The following CCDC112 variants were observed in gnomAD, a reference collection of about 807,000 sequenced individuals.
The protein encoded by CCDC112 is coiled-coil domain containing 112.
CCDC112 carries 40 observed loss-of-function variants against 66.3 expected under a neutral mutation model. That is an observed-to-expected ratio of 0.60 (90% confidence interval 0.47 to 0.79). The LOEUF is 0.79. Ranked by LOEUF, CCDC112 falls within the 30% of genes least tolerant of loss-of-function variation. The pLI is 0.00. For missense variants in CCDC112, 659 were observed against 603.8 expected, an observed-to-expected ratio of 1.09 and a Z score of -0.96; for synonymous variants, 214 against 197.2, an observed-to-expected ratio of 1.09 and a Z score of -0.71.
chr5:115,275,085 G>C (rs1749146774), intron 6 of CCDC112, 131 bp downstream of exon 6: 2 of 716,248 alleles, frequency 2.8e-6, no homozygotes, highest in African/African-American at 1.8e-5. Context: ...TCTTCTATTA[G>C]ATTGTCGGGG....
chr5:115,268,626 T>C (rs1398577192), intron 9 of CCDC112, among the ~76,000 whole-genome samples: 2 of 148,240 alleles, frequency 1.3e-5, no homozygotes, highest in Non-Finnish European at 3.0e-5. Flanking sequence ...GAAAGGCAAA[T>C]ATATATATAT....
rs1445056340 is a variant in CCDC112 at position 115,289,896 on chromosome 5, TG to T, written c.118-4989del. On this transcript the variant is annotated intron_variant, in intron 1 of 9. Transcript: ENST00000379611. ...ATGGGGTTTCGCGATGTTGGCCAGC[TG>T]GTCTCAAACTCCTGGCCTCAAGCGA... Among the ~76,000 whole-genome samples, 9 of 152,314 alleles carry T rather than the reference TG, an allele frequency of 5.9e-5. No individual in the cohort carries two copies. In the East Asian group the frequency reaches 1.7e-3, roughly 29 times the overall value.
chr5:115,279,608 T>A, intron 3 of CCDC112, 39 bp downstream of exon 3: 1 of 1,602,172 alleles, frequency 6.2e-7, no homozygotes, highest in Non-Finnish European at 8.5e-7. Flanking sequence ...CAACTTTATA[T>A]CGCTCAACAG....
intron 1 of CCDC112, 140 bp downstream of exon 1, chr5:115,296,287 C>G (rs1750152768): frequency 4.5e-6 from 6 of 1,328,850 alleles, no homozygotes; most frequent in Non-Finnish European, 5.8e-6. Context: ...CAACAAAGAG[C>G]AACGCCCAGC....
At chr5:115,284,967 AT>A (rs1027492615) in intron 1 of CCDC112, 59 bp from the exon 2 acceptor site, 2 of 1,493,600 alleles carry the variant, frequency 1.3e-6, no homozygotes, top group Non-Finnish European at 1.8e-6. Flanking sequence ...TAAATGTGGA[AT>A]TTTTTCAGAG....
chr5:115,284,713 A>G, intron 2 of CCDC112, 74 bp downstream of exon 2: 1 of 1,190,526 alleles, frequency 8.4e-7, no homozygotes, highest in Non-Finnish European at 1.2e-6. Flanking sequence ...GGTAGGGTAG[A>G]GTAGAATTAA....
chr5:115,281,110 G>A (rs1293196899), intron 2 of CCDC112, among the ~76,000 whole-genome samples: 5 of 150,276 alleles, frequency 3.3e-5, no homozygotes, highest in African/African-American at 7.4e-5. Flanking sequence ...TGTAACCTCC[G>A]CCTCCCTGGT....
In CCDC112 at chr5:115,289,026, G is replaced by T. The variant is rs76097996; in HGVS notation, c.118-4118C>A. ...TTTTTTTAACCAAATTCATTTTATTGCCAGACAGACTTGGCTTCTTTCCCT... is the reference window on the plus strand; with the variant it reads ...TTTTTTTAACCAAATTCATTTTATTTCCAGACAGACTTGGCTTCTTTCCCT... On this transcript the variant is annotated intron_variant, in intron 1 of 9. Transcript: ENST00000379611. 703 of 285,490 alleles carry T rather than the reference G, an allele frequency of 2.5e-3. 5 individuals carry two copies. The highest frequency in any genetic ancestry group is 0.016 in the African/African-American group (677 of 42,192). The allele number at this position is 285,490 out of a possible 1,614,324, so 17.7% of individuals were successfully genotyped here. A position where few individuals can be genotyped will look rare whatever the true frequency, so the allele number is the denominator to read the frequency against.
intron 3 of CCDC112, among the ~76,000 whole-genome samples, chr5:115,278,264 T>C (rs1749293560): frequency 6.6e-6 from 1 of 152,098 alleles, no homozygotes; most frequent in Admixed American, 6.5e-5. Context: ...ATTTATTCAT[T>C]TGGATAGATA....
chr5:115,282,122 G>T (rs187876854), intron 2 of CCDC112, among the ~76,000 whole-genome samples: 2 of 152,158 alleles, frequency 1.3e-5, no homozygotes, highest in African/African-American at 4.8e-5. Context: ...ATATGGGCAG[G>T]TTAAATAAAT....
chr5:115,281,760 A>T (rs1749467241), intron 2 of CCDC112, among the ~76,000 whole-genome samples: 1 of 152,238 alleles, frequency 6.6e-6, no homozygotes, highest in Admixed American at 6.5e-5. Flanking sequence ...AGTCGACAAA[A>T]ATGAAAACAA....
rs1024655686 is a variant in CCDC112, at chr5:115,289,728, T to G, written c.118-4820A>C. ...CTCTTAACTTTCTTAATAATGTTCT[T>G]TTGCAGCGGCTTAATCCCGGCTCAC... On this transcript the variant is annotated intron_variant, in intron 1 of 9. Transcript: ENST00000379611. Among the ~76,000 whole-genome samples, 11 of 152,282 alleles carry G rather than the reference T, an allele frequency of 7.2e-5. 1 individual carries two copies. Among genetic ancestry groups the G allele is most frequent in the Admixed American group, 2.0e-4 (3 of 15,294 alleles).
chr5:115,271,097 T>C (rs1748974862), intron 7 of CCDC112, 116 bp downstream of exon 7: 1 of 890,038 alleles, frequency 1.1e-6, no homozygotes, highest in Non-Finnish European at 1.7e-6. Flanking sequence ...CATTTTGGTA[T>C]ACTAATGCTA....
Position 115,268,863 on chromosome 5 carries a change from A to T in CCDC112, c.1547+19T>A. The T allele has an allele frequency of 7.2e-7, 1 of 1,397,082 alleles. No individual in the cohort carries two copies. The highest frequency in any genetic ancestry group is 9.8e-7 in the Non-Finnish European group (1 of 1,018,136). The allele number at this position is 1,397,082 out of a possible 1,614,324, so 86.5% of individuals were successfully genotyped here. A position where few individuals can be genotyped will look rare whatever the true frequency, so the allele number is the denominator to read the frequency against. ...GCAATTAAATTACTAAATGAACACC[A>T]ATTCTAACTCTTTCTTACCTATGTG... On this transcript the variant is annotated intron_variant, in intron 9 of 9. Transcript: ENST00000379611.
Position 115,279,314 on chromosome 5 carries a change from C to A in CCDC112, c.361+333G>T, listed in dbSNP as rs576111738. On this transcript the variant is annotated intron_variant, in intron 3 of 9. Coordinates refer to ENST00000379611, the MANE Select transcript of CCDC112 (RefSeq NM_001040440.3). ...GGGTAATGAGCTAACATCAGACAGCCCAGAAATCACTCTGCTTTTAAGAAA... is the reference window on the plus strand; with the variant it reads ...GGGTAATGAGCTAACATCAGACAGCACAGAAATCACTCTGCTTTTAAGAAA... Among the ~76,000 whole-genome samples the A allele has an allele frequency of 3.3e-5, 5 of 152,122 alleles. No homozygotes were observed. The South Asian group carries it at 1.0e-3, about 32-fold the overall frequency.
At chr5:115,270,783 A>T (rs963232171) in intron 7 of CCDC112, among the ~76,000 whole-genome samples, 2 of 152,132 alleles carry the variant, frequency 1.3e-5, no homozygotes, top group Admixed American at 6.5e-5. Flanking sequence ...TGCCCTAAGA[A>T]TACTGAAGTG....
chr5:115,281,516 A>G (rs1749456572), intron 2 of CCDC112, among the ~76,000 whole-genome samples: 1 of 152,086 alleles, frequency 6.6e-6, no homozygotes. Flanking sequence ...CCACCTGGCA[A>G]CTCTAATGGA....
chr5:115,270,846 A>C (rs1561493038), intron 7 of CCDC112, among the ~76,000 whole-genome samples: 1 of 152,226 alleles, frequency 6.6e-6, no homozygotes, highest in Non-Finnish European at 1.5e-5. Context: ...GCTGCTATTC[A>C]TGCTGTTGTC....
chr5:115,293,219 A>C (rs537350210), intron 1 of CCDC112, among the ~76,000 whole-genome samples: 13 of 152,326 alleles, frequency 8.5e-5, no homozygotes, highest in Middle Eastern at 3.4e-3. Context: ...AACGGTGCAA[A>C]GTTTCAGATA....
Sources: gnomAD v4.1 joint callset for allele counts (sites outside exome capture counted in the v4.1 genomes callset) on GRCh38, gnomAD v4.1.1 for gene constraint, MANE v1.5 for transcripts, NCBI Gene and HGNC (gene_info 2026-07-23, HGNC 2026-07-21) for gene names.